The following KCNH7 variants were observed in gnomAD, a reference collection of about 807,000 sequenced individuals.
The protein encoded by KCNH7 is voltage-gated inwardly rectifying potassium channel KCNH7.
KCNH7 carries 49 observed loss-of-function variants against 120.8 expected under a neutral mutation model. The observed-to-expected ratio is 0.41, with a 90% confidence interval of 0.32 to 0.51. The LOEUF is 0.51. Among genes scored for constraint, KCNH7 ranks in the 20% least tolerant of loss-of-function variants. The pLI, the probability that KCNH7 is intolerant of heterozygous loss-of-function variation, is 0.38. For missense variants in KCNH7, 1,097 were observed against 1,446.6 expected (o/e 0.76, Z 3.92); for synonymous variants, 547 against 516.1 (o/e 1.06, Z -0.81).
intron 6 of KCNH7, among the ~76,000 whole-genome samples, chr2:162,503,340 CGTAACA>C: frequency 6.6e-6 from 1 of 151,922 alleles, no homozygotes; most frequent in South Asian, 2.1e-4. Context: ...ATAAAATGTG[CGTAACA>C]GTAAACTGTT....
At chr2:162,618,304 A>G (rs1168397939) in intron 2 of KCNH7, among the ~76,000 whole-genome samples, 2 of 151,966 alleles carry the variant, frequency 1.3e-5, no homozygotes, top group Admixed American at 1.3e-4. Flanking sequence ...ATACTTTCAG[A>G]CAGTATTATT....
intron 6 of KCNH7, among the ~76,000 whole-genome samples, chr2:162,448,147 ATATAAG>A (rs1688646646): frequency 6.6e-6 from 1 of 152,106 alleles, no homozygotes. Context: ...ATACACACAT[ATATAAG>A]TATATGACTT....
intron 2 of KCNH7, among the ~76,000 whole-genome samples, chr2:162,720,996 G>C (rs1687305382): frequency 6.6e-6 from 1 of 152,046 alleles, no homozygotes; most frequent in Admixed American, 6.6e-5. Context: ...ATCAAATCCT[G>C]AGGTGCGGTG....
chr2:162,490,143 G>A (rs1025875749), intron 6 of KCNH7, among the ~76,000 whole-genome samples: 2 of 152,248 alleles, frequency 1.3e-5, no homozygotes. Flanking sequence ...TGCCCCACAA[G>A]TTCTTACACC....
chr2:162,471,517 T>C (rs1689528433), intron 6 of KCNH7, among the ~76,000 whole-genome samples: 2 of 151,664 alleles, frequency 1.3e-5, no homozygotes, highest in Admixed American at 1.3e-4. Flanking sequence ...CTGTGGAGTT[T>C]TACGACCTTA....
chr2:162,472,359 C>A (rs1020924953), intron 6 of KCNH7, among the ~76,000 whole-genome samples: 1 of 152,072 alleles, frequency 6.6e-6, no homozygotes, highest in Admixed American at 6.6e-5. Flanking sequence ...GGCTAATACC[C>A]AGAATTTACA....
At chr2:162,627,956 C>T (rs1036739862) in intron 2 of KCNH7, among the ~76,000 whole-genome samples, 1 of 151,948 alleles carries the variant, frequency 6.6e-6, no homozygotes, top group African/African-American at 2.4e-5. Context: ...GTCTTTGTTG[C>T]CCCTACTGAA....
intron 2 of KCNH7, among the ~76,000 whole-genome samples, chr2:162,583,161 G>T (rs952524170): frequency 1.8e-4 from 27 of 151,968 alleles, no homozygotes; most frequent in African/African-American, 6.5e-4. Context: ...ACTGTAATTG[G>T]TTATGATATA....
chr2:162,510,794 T>C (rs1269930229), intron 5 of KCNH7, among the ~76,000 whole-genome samples: 1 of 151,750 alleles, frequency 6.6e-6, no homozygotes, highest in African/African-American at 2.4e-5. Context: ...CTGTACCTAA[T>C]TAGCAATGTT....
chr2:162,416,444 T>A (rs1471922395), intron 9 of KCNH7, among the ~76,000 whole-genome samples: 1 of 151,422 alleles, frequency 6.6e-6, no homozygotes, highest in East Asian at 1.9e-4. Flanking sequence ...CTGGGCTAAA[T>A]CCCTATCTTG....
intron 2 of KCNH7, among the ~76,000 whole-genome samples, chr2:162,623,332 G>T (rs1476433694): frequency 6.6e-6 from 1 of 152,034 alleles, no homozygotes; most frequent in Non-Finnish European, 1.5e-5. Context: ...CTTGCCTTTT[G>T]TTGTCATTTT....
chr2:162,558,448 A>G (rs1426020122), intron 2 of KCNH7, among the ~76,000 whole-genome samples: 1 of 149,326 alleles, frequency 6.7e-6, no homozygotes, highest in Non-Finnish European at 1.5e-5. Flanking sequence ...TGCTGGGATT[A>G]CAGGCGTGAG....
chr2:162,572,597 T>G (rs113603988), intron 2 of KCNH7, among the ~76,000 whole-genome samples: 1 of 79,268 alleles, frequency 1.3e-5, no homozygotes, highest in Non-Finnish European at 2.4e-5. Flanking sequence ...CACATGCACA[T>G]GTATGTTTAT....
intron 7 of KCNH7, among the ~76,000 whole-genome samples, chr2:162,439,742 T>C (rs191907345): frequency 6.6e-6 from 1 of 152,154 alleles, no homozygotes; most frequent in African/African-American, 2.4e-5. Context: ...CATCCACTGT[T>C]TACTAAAGCC....
intron 2 of KCNH7, among the ~76,000 whole-genome samples, chr2:162,799,858 C>A (rs1344617469): frequency 6.6e-6 from 1 of 151,676 alleles, no homozygotes; most frequent in Admixed American, 6.6e-5. Flanking sequence ...ATACACTTGT[C>A]TTTTCTGTAT....
At chr2:162,596,278 G>T (rs188112581) in intron 2 of KCNH7, among the ~76,000 whole-genome samples, 3 of 152,112 alleles carry the variant, frequency 2.0e-5, no homozygotes, top group Admixed American at 2.0e-4. Context: ...CAAACTGAAG[G>T]CATTGTACTA....
chr2:162,594,273 T>A (rs1303512526), intron 2 of KCNH7, among the ~76,000 whole-genome samples: 8 of 152,066 alleles, frequency 5.3e-5, no homozygotes, highest in African/African-American at 1.4e-4. Context: ...TACAATTGCT[T>A]TAACTACTTT....
intron 2 of KCNH7, among the ~76,000 whole-genome samples, chr2:162,715,469 A>G (rs1687084952): frequency 6.6e-6 from 1 of 152,176 alleles, no homozygotes; most frequent in African/African-American, 2.4e-5. Flanking sequence ...AAACTATATC[A>G]GTTGGTATGG....
chr2:162,430,548 G>C (rs2105509454), intron 8 of KCNH7, among the ~76,000 whole-genome samples: 1 of 152,144 alleles, frequency 6.6e-6, no homozygotes, highest in East Asian at 1.9e-4. Context: ...TCCAGGAAGT[G>C]CCTCCAGGCA....
Sources: allele counts gnomAD v4.1 joint callset (sites outside exome capture counted in the v4.1 genomes callset), GRCh38; gene constraint gnomAD v4.1.1; transcripts MANE v1.5; gene names NCBI Gene and HGNC (gene_info 2026-07-23, HGNC 2026-07-21).